GDPD4: variants seen among roughly 807,000 people sequenced by gnomAD.
GDPD4 encodes glycerophosphodiester phosphodiesterase domain containing 4.
GDPD4 carries 60 observed loss-of-function variants against 67.8 expected under a neutral mutation model. The observed-to-expected ratio is 0.88, with a 90% CI of 0.72 to 1.10. The LOEUF (loss-of-function observed/expected upper bound fraction) is 1.10. GDPD4 is among the 50% of genes least tolerant of loss of function. GDPD4 has a pLI of 0.00. For missense variants in GDPD4, 623 were observed against 613.9 expected (o/e 1.01, Z -0.16); for synonymous variants, 212 against 210.9 (o/e 1.00, Z -0.04).
At chr11:77,298,757 G>A (rs186466731) in intron 1 of GDPD4, among the ~76,000 whole-genome samples, 5 of 151,990 alleles carry the variant, frequency 3.3e-5, no homozygotes, top group East Asian at 1.9e-4. Context: ...CAGATGCCAC[G>A]CCCCCACCCC....
chr11:77,284,639 T>A (rs1382490667), intron 3 of GDPD4, among the ~76,000 whole-genome samples: 1 of 152,152 alleles, frequency 6.6e-6, no homozygotes, highest in East Asian at 1.9e-4. Flanking sequence ...TACCTGTCAC[T>A]GTGTTCAGAA....
intron 3 of GDPD4, among the ~76,000 whole-genome samples, chr11:77,280,559 A>C (rs562899810): frequency 1.3e-5 from 2 of 152,030 alleles, no homozygotes; most frequent in Admixed American, 1.3e-4. Flanking sequence ...ATTTCATGGT[A>C]CTCCTCTTTC....
chr11:77,245,178 G>A, intron 12 of GDPD4, 103 bp downstream of exon 12: 1 of 779,218 alleles, frequency 1.3e-6, no homozygotes, highest in Non-Finnish European at 2.2e-6. Context: ...ATTACTTAAG[G>A]ATCCCAGGGT....
intron 13 of GDPD4, among the ~76,000 whole-genome samples, chr11:77,241,876 C>T (rs960354040): frequency 2.0e-5 from 3 of 151,596 alleles, no homozygotes; most frequent in Non-Finnish European, 2.9e-5. Flanking sequence ...GAGGTTGCAG[C>T]GAGCCAAGAT....
chr11:77,297,228 T>C (rs1398599968), intron 1 of GDPD4, among the ~76,000 whole-genome samples: 1 of 151,922 alleles, frequency 6.6e-6, no homozygotes, highest in African/African-American at 2.4e-5. Flanking sequence ...TTCCTGTATA[T>C]TTTAAATAGT....
intron 11 of GDPD4, among the ~76,000 whole-genome samples, chr11:77,249,869 T>C (rs758407754): frequency 6.6e-6 from 1 of 152,252 alleles, no homozygotes; most frequent in Non-Finnish European, 1.5e-5. Context: ...TTTGGTATGT[T>C]GTGTTTCTAT....
intron 13 of GDPD4, among the ~76,000 whole-genome samples, chr11:77,240,939 A>G (rs1357840469): frequency 6.6e-6 from 1 of 152,194 alleles, no homozygotes; most frequent in African/African-American, 2.4e-5. Context: ...ACTGGCAAGG[A>G]TGTGGAGAAA....
intron 14 of GDPD4, among the ~76,000 whole-genome samples, chr11:77,231,782 G>C (rs868533682): frequency 6.6e-6 from 1 of 152,146 alleles, no homozygotes; most frequent in Non-Finnish European, 1.5e-5. Context: ...ATTTTAAAAT[G>C]TTAGAAAAAC....
At chr11:77,233,536 C>T (rs548931180) in intron 13 of GDPD4, among the ~76,000 whole-genome samples, 63 of 151,360 alleles carry the variant, frequency 4.2e-4, no homozygotes, top group Non-Finnish European at 7.1e-4. Flanking sequence ...ACACTCCTAC[C>T]ATAGCCAACT....
intron 16 of GDPD4, among the ~76,000 whole-genome samples, chr11:77,222,514 G>A (rs1272769890): frequency 6.6e-6 from 1 of 152,012 alleles, no homozygotes; most frequent in Non-Finnish European, 1.5e-5. Flanking sequence ...TGAAATTCTG[G>A]GTTGAAAATT....
At chr11:77,241,542 G>A (rs1958664221) in intron 13 of GDPD4, among the ~76,000 whole-genome samples, 1 of 148,960 alleles carries the variant, frequency 6.7e-6, no homozygotes, top group South Asian at 2.1e-4. Flanking sequence ...AGAAGCTGAG[G>A]TAAGAGGACA....
chr11:77,250,430 T>C (rs962584012), intron 11 of GDPD4, among the ~76,000 whole-genome samples: 2 of 152,230 alleles, frequency 1.3e-5, no homozygotes, highest in African/African-American at 4.8e-5. Flanking sequence ...CACTCTTTTT[T>C]ATAAGTGCAT....
Position 77,222,403 on chromosome 11 carries a change from T to G in GDPD4, c.1526-5089A>C, listed in dbSNP as rs886990887. Among the ~76,000 whole-genome samples the G allele has an allele frequency of 5.9e-5, 9 of 152,346 alleles. No individual in the cohort carries two copies. The East Asian group carries it at 1.3e-3, about 23-fold the overall frequency. Reference sequence around the variant, plus strand: ...TTTAGTGCTTCCTTCAGGAGCTCTTTTAGGGCAGGCCTGGTGGTGACAAAA... The same window carrying G: ...TTTAGTGCTTCCTTCAGGAGCTCTTGTAGGGCAGGCCTGGTGGTGACAAAA... On this transcript the variant is annotated intron_variant, in intron 16 of 16. Coordinates refer to ENST00000315938, the MANE Select transcript of GDPD4 (RefSeq NM_182833.3).
intron 2 of GDPD4, 42 bp from the exon 3 acceptor site, chr11:77,285,229 C>T: frequency 2.0e-6 from 2 of 989,652 alleles, no homozygotes; most frequent in Non-Finnish European, 3.1e-6. Context: ...TCCATTTATC[C>T]TTGTTACCTC....
In GDPD4 at chr11:77,229,218, A is replaced by C. The variant is rs1427159980; in HGVS notation, c.1404T>G (p.Tyr468Ter). 2.5e-6 allele frequency: 4 copies of C among 1,603,714 alleles called. No individual in the cohort carries two copies. The highest frequency in any genetic ancestry group is 1.7e-5 in the Admixed American group (1 of 58,602). ...HPHFFMTPKF[Y>*]VFMWLLADII... ...TATCTGCAAGGAGCCACATGAACAC[A>C]TAGAACTTTGGTGTCTGAAAAACAT... Residue 468 changes from tyrosine (Y) to a stop codon, truncating the protein, a stop_gained, in exon 15 of 17, where the codon TAT becomes TAG. Transcript: ENST00000315938. LOFTEE classifies it high-confidence loss of function.
Position 77,276,200 on chromosome 11 carries a change from A to T in GDPD4, c.168T>A (p.Leu56=). ...SLLLLLGFLL[L]WERIELYLHL... The stretch of plus-strand genomic sequence containing the variant: ...GCAGGTATAGTTCAATCCTTTCCCA[A>T]AGCAACAAAAATCCAAGTAACTGCA... Residue 56 remains leucine (L), a synonymous_variant, in exon 5 of 17, where the codon CTT becomes CTA. Transcript: ENST00000315938. 6.2e-7 allele frequency: 1 copy of T among 1,613,852 alleles called. No homozygotes were observed. The highest frequency in any genetic ancestry group is 8.5e-7 in the Non-Finnish European group (1 of 1,179,756).
At chr11:77,219,291 T>C (rs2135815200) in intron 16 of GDPD4, among the ~76,000 whole-genome samples, 2 of 152,318 alleles carry the variant, frequency 1.3e-5, no homozygotes, top group Middle Eastern at 6.8e-3. Context: ...AGCCCTTTGT[T>C]AGATGGGTAG....
chr11:77,262,854 C>CAAAAAAAAAAAAAAAAAAA (rs67911054), intron 10 of GDPD4, among the ~76,000 whole-genome samples: 1 of 67,004 alleles, frequency 1.5e-5, no homozygotes, highest in Non-Finnish European at 2.5e-5. Context: ...TTCTCTGCTG[C>CAAAAAAAAAAAAAAAAAAA]AAAAAAAAAA....
intron 13 of GDPD4, among the ~76,000 whole-genome samples, chr11:77,234,237 T>G (rs1958508765): frequency 6.6e-6 from 1 of 152,168 alleles, no homozygotes; most frequent in Non-Finnish European, 1.5e-5. Context: ...ATGTTAGAAT[T>G]GTCTCTGAAC....
Sources: gnomAD v4.1 joint callset for allele counts (sites outside exome capture counted in the v4.1 genomes callset) on GRCh38, gnomAD v4.1.1 for gene constraint, MANE v1.5 for transcripts, NCBI Gene and HGNC (gene_info 2026-07-23, HGNC 2026-07-21) for gene names.